CTNNA2: variants seen among roughly 807,000 people sequenced by gnomAD.
CTNNA2 encodes the protein catenin alpha 2.
Under a neutral mutation model 101.0 loss-of-function variants are expected in CTNNA2, and 42 were observed. The ratio of observed to expected loss-of-function variants is 0.42; its 90% CI spans 0.32 to 0.54. CTNNA2 has a LOEUF of 0.54. CTNNA2 is among the 20% of genes least tolerant of loss of function. The pLI, the probability that CTNNA2 is intolerant of heterozygous loss-of-function variation, is 0.14. For missense variants in CTNNA2, 871 were observed against 1,223.1 expected (o/e 0.71, Z 4.29); for synonymous variants, 450 against 456.4 (o/e 0.99, Z 0.18).
At chr2:79,289,516 C>G (rs992974749) in intron 2 of CTNNA2, among the ~76,000 whole-genome samples, 2 of 151,974 alleles carry the variant, frequency 1.3e-5, no homozygotes, top group African/African-American at 4.8e-5. Context: ...AATCCCAGCA[C>G]TTTGGGAGGC....
chr2:80,307,298 A>G (rs1677120964), intron 7 of CTNNA2, among the ~76,000 whole-genome samples: 1 of 152,076 alleles, frequency 6.6e-6, no homozygotes, highest in Non-Finnish European at 1.5e-5. Flanking sequence ...TATTTAAAGC[A>G]TACCAGCACT....
At chr2:80,627,608 C>T (rs1466770829) in intron 18 of CTNNA2, among the ~76,000 whole-genome samples, 2 of 151,918 alleles carry the variant, frequency 1.3e-5, no homozygotes, top group Non-Finnish European at 2.9e-5. Context: ...TGAATATTAG[C>T]CCTTTGTCAG....
At chr2:79,275,079 T>A (rs1675177503) in intron 2 of CTNNA2, among the ~76,000 whole-genome samples, 2 of 152,062 alleles carry the variant, frequency 1.3e-5, no homozygotes, top group African/African-American at 4.8e-5. Context: ...TGGGACTACC[T>A]GGAAGGCTTC....
chr2:79,398,156 TA>T (rs1678252228), intron 4 of CTNNA2, among the ~76,000 whole-genome samples: 1 of 151,932 alleles, frequency 6.6e-6, no homozygotes, highest in Non-Finnish European at 1.5e-5. Flanking sequence ...TGGGGAAGAG[TA>T]AAACTGTACT....
intron 3 of CTNNA2, among the ~76,000 whole-genome samples, chr2:79,808,317 T>TG (rs1190569020): frequency 6.6e-6 from 1 of 152,106 alleles, no homozygotes; most frequent in African/African-American, 2.4e-5. Context: ...TACACTGTGT[T>TG]GCTGTTCAGA....
In CTNNA2 at chr2:79,803,350, G is replaced by C. The variant is rs535054944; in HGVS notation, c.299-54663G>C. Among the ~76,000 whole-genome samples the C allele has an allele frequency of 3.3e-5, 5 of 152,312 alleles. No homozygotes were observed. In the South Asian group the frequency reaches 1.0e-3, roughly 32 times the overall value. On this transcript the variant is annotated intron_variant, in intron 3 of 18. Transcript: ENST00000402739. ...GGGGTCTCCCAGCCTTCAGAGCTGA[G>C]GGCCCAAACAGAGATTTACCCACAT...
chr2:80,433,612 C>T (rs778787398), intron 9 of CTNNA2, among the ~76,000 whole-genome samples: 8 of 152,014 alleles, frequency 5.3e-5, no homozygotes, highest in Non-Finnish European at 1.2e-4. Flanking sequence ...ACCTGGTTGC[C>T]TCTGCTCACA....
At chr2:79,377,868 G>A (rs1677995558) in intron 4 of CTNNA2, among the ~76,000 whole-genome samples, 1 of 152,146 alleles carries the variant, frequency 6.6e-6, no homozygotes, top group East Asian at 1.9e-4. Flanking sequence ...TGCTTGTTCT[G>A]CCATGAGTAA....
intron 4 of CTNNA2, among the ~76,000 whole-genome samples, chr2:79,472,472 T>C (rs1384248616): frequency 3.3e-5 from 5 of 151,804 alleles, no homozygotes; most frequent in Non-Finnish European, 5.9e-5. Flanking sequence ...ACCTTGGTGG[T>C]CATTCTTTCT....
chr2:80,127,802 G>A (rs554773781), intron 7 of CTNNA2, among the ~76,000 whole-genome samples: 1 of 152,238 alleles, frequency 6.6e-6, no homozygotes, highest in South Asian at 2.1e-4. Context: ...GGAACTCTGG[G>A]CTATCAATTA....
At chr2:80,251,644 G>A (rs1041355088) in intron 7 of CTNNA2, among the ~76,000 whole-genome samples, 1 of 152,118 alleles carries the variant, frequency 6.6e-6, no homozygotes, top group African/African-American at 2.4e-5. Flanking sequence ...TGATCCATTT[G>A]GCTCTGGCTC....
At chr2:79,618,692 T>C (rs1453497271) in intron 1 of CTNNA2, among the ~76,000 whole-genome samples, 1 of 152,132 alleles carries the variant, frequency 6.6e-6, no homozygotes, top group Non-Finnish European at 1.5e-5. Flanking sequence ...TGTTTTCTTC[T>C]CCAAGTGCCA....
At chr2:79,353,712 T>C (rs1250314673) in intron 3 of CTNNA2, among the ~76,000 whole-genome samples, 3 of 152,128 alleles carry the variant, frequency 2.0e-5, no homozygotes, top group Non-Finnish European at 4.4e-5. Flanking sequence ...TGTCATTGTG[T>C]CGTTAGCTTG....
chr2:79,950,176 G>A (rs931288821), intron 7 of CTNNA2, among the ~76,000 whole-genome samples: 23 of 102,004 alleles, frequency 2.3e-4, no homozygotes, highest in Non-Finnish European at 3.9e-4. Flanking sequence ...CTTGTATTAA[G>A]AAAAATGTAG....
chr2:79,644,372 A>T (rs1680660456), intron 1 of CTNNA2, among the ~76,000 whole-genome samples: 1 of 152,250 alleles, frequency 6.6e-6, no homozygotes, highest in South Asian at 2.1e-4. Flanking sequence ...ATGTGATTAC[A>T]TTGGTTCTAC....
intron 4 of CTNNA2, among the ~76,000 whole-genome samples, chr2:79,493,468 T>C (rs998833046): frequency 6.6e-6 from 1 of 151,896 alleles, no homozygotes; most frequent in Admixed American, 6.6e-5. Flanking sequence ...ATACAAAAAT[T>C]AGCCAGGTGT....
intron 3 of CTNNA2, among the ~76,000 whole-genome samples, chr2:79,344,635 C>T (rs4852472): frequency 0.36 from 54,142 of 151,264 alleles, 10,111 homozygotes; most frequent in South Asian, 0.49. Context: ...TTAATAAAGT[C>T]CAGTTCAAAA....
intron 14 of CTNNA2, among the ~76,000 whole-genome samples, chr2:80,588,068 C>T (rs553590897): frequency 6.6e-5 from 10 of 152,318 alleles, no homozygotes; most frequent in African/African-American, 2.2e-4. Context: ...AAGACATTTT[C>T]TTCAACTGAT....
chr2:80,294,365 C>T (rs534480921), intron 7 of CTNNA2, among the ~76,000 whole-genome samples: 1 of 152,298 alleles, frequency 6.6e-6, no homozygotes, highest in African/African-American at 2.4e-5. Context: ...TTTCTTCTAT[C>T]AGTGCCACCA....
Sources: gnomAD v4.1 joint callset for allele counts (sites outside exome capture counted in the v4.1 genomes callset) on GRCh38, gnomAD v4.1.1 for gene constraint, MANE v1.5 for transcripts, NCBI Gene and HGNC (gene_info 2026-07-23, HGNC 2026-07-21) for gene names.